DLG2: variants seen among roughly 807,000 people sequenced by gnomAD.
The protein encoded by DLG2 is discs large MAGUK scaffold protein 2, also known as disks large homolog 2.
A neutral mutation model predicts 132.5 loss-of-function variants in DLG2; 45 were observed. That is an observed-to-expected ratio of 0.34 (90% CI 0.27 to 0.44). DLG2 has a LOEUF of 0.44. Among genes scored for constraint, DLG2 ranks in the 20% least tolerant of loss-of-function variants. The pLI, the probability that DLG2 is intolerant of heterozygous loss-of-function variation, is 1.00. For missense variants in DLG2, 1,045 were observed against 1,196.9 expected (o/e 0.87, Z 1.87); for synonymous variants, 424 against 419.6 (o/e 1.01, Z -0.13).
In DLG2 at chr11:83,478,457, A is replaced by G. The variant is rs139908525; in HGVS notation, c.2293+5672T>C. ...TGCAAGTGTTTCCTTTATTCATTCA[A>G]TAAACATTTATGTGCAACTAGTATT... On this transcript the variant is annotated intron_variant, in intron 22 of 27. Coordinates refer to ENST00000376104, the MANE Select transcript of DLG2 (RefSeq NM_001142699.3). 2.6e-3 allele frequency among the ~76,000 whole-genome samples: 390 copies of G among 152,228 alleles called. 1 individual carries two copies. The highest frequency in any genetic ancestry group is 8.8e-3 in the African/African-American group (365 of 41,576).
chr11:84,414,127 A>C (rs1024878385), intron 7 of DLG2, among the ~76,000 whole-genome samples: 1 of 152,208 alleles, frequency 6.6e-6, no homozygotes, highest in African/African-American at 2.4e-5. Flanking sequence ...ATTCTAGGTC[A>C]CTTAACTGTT....
chr11:84,362,705 T>C (rs1275076329), intron 7 of DLG2, among the ~76,000 whole-genome samples: 1 of 152,020 alleles, frequency 6.6e-6, no homozygotes, highest in African/African-American at 2.4e-5. Flanking sequence ...TTCCCCTTCC[T>C]GTGTCCATGT....
chr11:85,068,433 G>A (rs1193632150), intron 6 of DLG2, among the ~76,000 whole-genome samples: 5 of 152,116 alleles, frequency 3.3e-5, no homozygotes, highest in Non-Finnish European at 7.4e-5. Context: ...TCCTTAAGCT[G>A]ATAGGCAACT....
At chr11:85,193,966 T>C (rs922686597) in intron 4 of DLG2, among the ~76,000 whole-genome samples, 3 of 152,204 alleles carry the variant, frequency 2.0e-5, no homozygotes, top group East Asian at 1.9e-4. Flanking sequence ...GTGAATGTGA[T>C]GGAATAACAA....
intron 10 of DLG2, among the ~76,000 whole-genome samples, chr11:84,069,199 G>C (rs2096721147): frequency 6.6e-6 from 1 of 152,146 alleles, no homozygotes; most frequent in South Asian, 2.1e-4. Flanking sequence ...GCTGGACTGA[G>C]ACCATACTCC....
intron 6 of DLG2, among the ~76,000 whole-genome samples, chr11:85,072,130 A>G (rs1363995415): frequency 1.3e-5 from 2 of 151,868 alleles, no homozygotes; most frequent in African/African-American, 4.8e-5. Context: ...TTACAATTGT[A>G]CCTGCTACAG....
chr11:84,368,234 G>C (rs1427228500), intron 7 of DLG2, among the ~76,000 whole-genome samples: 1 of 152,044 alleles, frequency 6.6e-6, no homozygotes, highest in African/African-American at 2.4e-5. Flanking sequence ...TGTAATATAT[G>C]TTCTTTTTAT....
At chr11:85,355,526 C>T (rs1565370455) in intron 3 of DLG2, among the ~76,000 whole-genome samples, 1 of 152,070 alleles carries the variant, frequency 6.6e-6, no homozygotes, top group Non-Finnish European at 1.5e-5. Flanking sequence ...GTCTAATCAA[C>T]TTTAAATTAT....
intron 16 of DLG2, among the ~76,000 whole-genome samples, chr11:83,871,925 T>C (rs957344221): frequency 3.3e-5 from 5 of 152,182 alleles, no homozygotes; most frequent in Non-Finnish European, 5.9e-5. Context: ...ATTTAACTAG[T>C]ACTTATTGAC....
At chr11:84,923,240 C>T in intron 6 of DLG2, 1 of 1,542,296 alleles carries the variant, frequency 6.5e-7, no homozygotes, top group South Asian at 1.2e-5. Context: ...TTTGAAAATG[C>T]ATTGATCTCT....
At chr11:85,058,645 C>T (rs556476333) in intron 6 of DLG2, among the ~76,000 whole-genome samples, 34 of 151,518 alleles carry the variant, frequency 2.2e-4, no homozygotes, top group African/African-American at 8.2e-4. Flanking sequence ...ACCTTATGTA[C>T]AGTAATTAAG....
At chr11:84,882,693 C>A (rs2087544244) in intron 6 of DLG2, among the ~76,000 whole-genome samples, 2 of 152,070 alleles carry the variant, frequency 1.3e-5, no homozygotes, top group African/African-American at 4.8e-5. Context: ...TATTCACTTA[C>A]ATGAAGTAAT....
chr11:84,779,207 C>CACA (rs2153904592), intron 6 of DLG2, among the ~76,000 whole-genome samples: 1 of 152,198 alleles, frequency 6.6e-6, no homozygotes, highest in South Asian at 2.1e-4. Context: ...CACACACACA[C>CACA]ACACACATAT....
intron 3 of DLG2, among the ~76,000 whole-genome samples, chr11:85,539,462 A>G (rs1249098630): frequency 6.6e-6 from 1 of 152,180 alleles, no homozygotes; most frequent in Non-Finnish European, 1.5e-5. Context: ...CTCCCCTATG[A>G]CAGAAAGTAT....
At chr11:84,263,547 C>A (rs1598612964) in intron 7 of DLG2, among the ~76,000 whole-genome samples, 1 of 152,160 alleles carries the variant, frequency 6.6e-6, no homozygotes, top group East Asian at 1.9e-4. Flanking sequence ...GCAAGGAGTT[C>A]TCTTCTATAT....
intron 9 of DLG2, among the ~76,000 whole-genome samples, chr11:84,109,039 CTT>C (rs1162105883): frequency 6.6e-6 from 1 of 151,990 alleles, no homozygotes; most frequent in African/African-American, 2.4e-5. Context: ...TAAATCAAGA[CTT>C]AGGCTTGGGC....
chr11:85,408,105 G>A (rs982357663), intron 3 of DLG2, among the ~76,000 whole-genome samples: 6 of 149,990 alleles, frequency 4.0e-5, no homozygotes. Context: ...TATTTTCTGG[G>A]CACCTTTTTA....
rs182553879 is a variant in DLG2, at chr11:85,124,652, T to C, written c.283-12917A>G. Among the ~76,000 whole-genome samples, 5 of 152,334 alleles carry C rather than the reference T, an allele frequency of 3.3e-5. No homozygotes were observed. The East Asian group carries it at 7.7e-4, about 24-fold the overall frequency. The stretch of plus-strand genomic sequence containing the variant: ...TTCTCAGATTGCCTTTGGTGAAACA[T>C]ACATACATGCAACAAGACAGGTCCC... On this transcript the variant is annotated intron_variant, in intron 5 of 27. Coordinates refer to ENST00000376104, the MANE Select transcript of DLG2 (RefSeq NM_001142699.3).
At chr11:84,025,040 A>G (rs1396685940) in intron 11 of DLG2, among the ~76,000 whole-genome samples, 1 of 152,318 alleles carries the variant, frequency 6.6e-6, no homozygotes, top group East Asian at 1.9e-4. Context: ...GTTGACAATA[A>G]AAAATAAAGT....
Sources: gnomAD v4.1 joint callset for allele counts (sites outside exome capture counted in the v4.1 genomes callset) on GRCh38, gnomAD v4.1.1 for gene constraint, MANE v1.5 for transcripts, NCBI Gene and HGNC (gene_info 2026-07-23, HGNC 2026-07-21) for gene names.